Variants in RUVBL1 observed in about 807,000 individuals in gnomAD.
RUVBL1 encodes the protein RuvB like AAA ATPase 1, also known as ruvB-like 1.
In RUVBL1, 4 loss-of-function variants were observed where a neutral mutation model predicts 52.4. The observed-to-expected ratio is 0.08, with a 90% CI of 0.04 to 0.17. RUVBL1 has a LOEUF of 0.17. Ranked by LOEUF, RUVBL1 falls within the 10% of genes least tolerant of loss-of-function variation. RUVBL1 has a pLI of 1.00. For missense variants in RUVBL1, 298 were observed against 572.8 expected, an observed-to-expected ratio of 0.52 and a Z score of 4.90; for synonymous variants, 217 against 214.4, an observed-to-expected ratio of 1.01 and a Z score of -0.10.
At chr3:128,101,863 A>AG (rs1394213857) in intron 4 of RUVBL1, among the ~76,000 whole-genome samples, 1 of 152,174 alleles carries the variant, frequency 6.6e-6, no homozygotes, top group Admixed American at 6.5e-5. Context: ...GGGAGAAAAT[A>AG]GGGGGGCCAG....
intron 9 of RUVBL1, among the ~76,000 whole-genome samples, chr3:128,072,969 A>C (rs1251551912): frequency 1.3e-5 from 2 of 152,132 alleles, no homozygotes; most frequent in Non-Finnish European, 2.9e-5. Flanking sequence ...TGTCCCAGCC[A>C]CTTCCTACAT....
At chr3:128,139,329 G>A (rs1482142220) in intron 1 of RUVBL1, among the ~76,000 whole-genome samples, 1 of 152,136 alleles carries the variant, frequency 6.6e-6, no homozygotes, top group Non-Finnish European at 1.5e-5. Flanking sequence ...TATATAAGGA[G>A]CTCAAACAAC....
At chr3:128,143,012 C>A (rs545543756) in intron 1 of RUVBL1, among the ~76,000 whole-genome samples, 14 of 152,126 alleles carry the variant, frequency 9.2e-5, no homozygotes, top group Admixed American at 5.9e-4. Flanking sequence ...AACTCCTGAC[C>A]TCAGATGATC....
chr3:128,077,988 A>G (rs1942378836), downstream of RUVBL1, among the ~76,000 whole-genome samples: 2 of 152,076 alleles, frequency 1.3e-5, no homozygotes, highest in Admixed American at 6.5e-5. Context: ...GAAACCAAAG[A>G]CTCATGGGGC....
At chr3:128,125,226 A>G (rs980978911), upstream of RUVBL1, among the ~76,000 whole-genome samples, 5 of 151,908 alleles carry the variant, frequency 3.3e-5, no homozygotes, top group Non-Finnish European at 5.9e-5. Context: ...CGTGTTAGCC[A>G]GAATGGTCTC....
rs146692163 is a variant in RUVBL1 at position 128,100,709 on chromosome 3, G to A, written c.639C>T (p.Phe213=). 344 of 1,613,640 alleles carry A rather than the reference G, an allele frequency of 2.1e-4. No individual in the cohort carries two copies. Among genetic ancestry groups the A allele is most frequent in the Middle Eastern group, 3.3e-4 (2 of 6,060 alleles). ...QGRCDTYATE[F]DLEAEEYVPL... is the part of the protein sequence containing the mutation. ...GGACATACTCTTCAGCTTCAAGGTCGAATTCTGTGGCATAGGTATCACACC... is the reference window on the plus strand; with the variant it reads ...GGACATACTCTTCAGCTTCAAGGTCAAATTCTGTGGCATAGGTATCACACC... Residue 213 remains phenylalanine, a synonymous_variant, in exon 6 of 11, where the codon TTC becomes TTT. Transcript: ENST00000322623.
chr3:128,103,222 C>T (rs1460116155), intron 4 of RUVBL1, among the ~76,000 whole-genome samples: 3 of 152,126 alleles, frequency 2.0e-5, no homozygotes, highest in Admixed American at 1.3e-4. Flanking sequence ...AACTGTACGC[C>T]TTATTTTATC....
intron 2 of RUVBL1, 55 bp from the exon 3 acceptor site, chr3:128,113,075 A>C: frequency 6.3e-7 from 1 of 1,594,250 alleles, no homozygotes; most frequent in South Asian, 1.1e-5. Flanking sequence ...ATGACAGTTC[A>C]GAAACACATG....
At chr3:128,114,593 T>C (rs998308375) in intron 2 of RUVBL1, among the ~76,000 whole-genome samples, 3 of 152,114 alleles carry the variant, frequency 2.0e-5, no homozygotes, top group African/African-American at 7.2e-5. Flanking sequence ...CATGGTGACC[T>C]TCAGCAAGGC....
At chr3:128,126,646 T>C (rs1943797683), upstream of RUVBL1, among the ~76,000 whole-genome samples, 2 of 152,078 alleles carry the variant, frequency 1.3e-5, no homozygotes, top group South Asian at 4.1e-4. Flanking sequence ...AGGTCACAAA[T>C]TGAGCAAATG....
At chr3:128,115,007 T>TAA (rs71615964) in intron 2 of RUVBL1, among the ~76,000 whole-genome samples, 6 of 146,728 alleles carry the variant, frequency 4.1e-5, no homozygotes, top group South Asian at 2.1e-4. Flanking sequence ...AATACTTGGT[T>TAA]AAAAAAAAAA....
At chr3:128,114,584 A>C (rs1278603026) in intron 2 of RUVBL1, among the ~76,000 whole-genome samples, 2 of 152,160 alleles carry the variant, frequency 1.3e-5, no homozygotes, top group Non-Finnish European at 2.9e-5. Context: ...CTGCAGTCTC[A>C]TGGTGACCTT....
chr3:128,128,511 C>T (rs1943829383), upstream of RUVBL1, among the ~76,000 whole-genome samples: 1 of 152,130 alleles, frequency 6.6e-6, no homozygotes, highest in Non-Finnish European at 1.5e-5. Context: ...AAGATAGCTG[C>T]TCAAACTCCT....
chr3:128,140,450 G>A (rs976563976), intron 1 of RUVBL1, among the ~76,000 whole-genome samples: 2 of 151,838 alleles, frequency 1.3e-5, no homozygotes, highest in African/African-American at 2.4e-5. Context: ...GCAAGCTAAT[G>A]GGCATGCTTA....
At chr3:128,096,941 G>A (rs1037583527) in intron 8 of RUVBL1, among the ~76,000 whole-genome samples, 2 of 152,112 alleles carry the variant, frequency 1.3e-5, no homozygotes, top group Non-Finnish European at 2.9e-5. Context: ...GAAAAATGAC[G>A]CCAATAATGC....
At chr3:128,100,487 G>A in intron 6 of RUVBL1, 108 bp downstream of exon 6, 1 of 1,332,060 alleles carries the variant, frequency 7.5e-7, no homozygotes, top group Non-Finnish European at 1.0e-6. Flanking sequence ...GATAGAAAAG[G>A]ACCGTCTACC....
chr3:128,132,380 T>C (rs1356324299), intron 1 of RUVBL1, among the ~76,000 whole-genome samples: 2 of 152,030 alleles, frequency 1.3e-5, no homozygotes, highest in Non-Finnish European at 2.9e-5. Context: ...GAACGTGGGG[T>C]GCATGTGACC....
At chr3:128,079,054 C>A (rs1942404117), downstream of RUVBL1, 1 of 152,264 alleles carries the variant, frequency 6.6e-6, no homozygotes, top group South Asian at 2.1e-4. Flanking sequence ...GATATTGGTA[C>A]CTTGGGCAGC....
intron 1 of RUVBL1, among the ~76,000 whole-genome samples, chr3:128,144,756 G>A (rs1256423851): frequency 6.6e-6 from 1 of 152,232 alleles, no homozygotes; most frequent in African/African-American, 2.4e-5. Context: ...GTAGGACAGA[G>A]ACAGTAGACT....
Sources: allele counts gnomAD v4.1 joint callset (sites outside exome capture counted in the v4.1 genomes callset), GRCh38; gene constraint gnomAD v4.1.1; transcripts MANE v1.5; gene names NCBI Gene and HGNC (gene_info 2026-07-23, HGNC 2026-07-21).